Variants in LRRC37A observed in about 807,000 individuals in gnomAD.
The protein encoded by LRRC37A is leucine rich repeat containing 37A.
A neutral mutation model predicts 35.4 loss-of-function variants in LRRC37A; 3 were observed. That is an observed-to-expected ratio of 0.08 (90% CI 0.04 to 0.22). LRRC37A has a LOEUF of 0.22. LRRC37A is among the 10% of genes least tolerant of loss of function. The pLI is 1.00. For synonymous variants in LRRC37A, 23 were observed against 215.0 expected, an observed-to-expected ratio of 0.11 and a Z score of 7.81; for missense variants, 67 against 565.3, an observed-to-expected ratio of 0.12 and a Z score of 8.94.
chr17:46,285,389 C>T, the LRRC37A span, among the ~76,000 whole-genome samples: 4 of 152,016 alleles, frequency 2.6e-5, no homozygotes, highest in East Asian at 1.9e-4. Context: ...TACAGGCTCA[C>T]GCCACCACAC....
chr17:46,315,309 G>A lies in LRRC37A; in HGVS notation c.2907-7013G>A, dbSNP rs1343146186. On this transcript the variant is annotated intron_variant, in intron 5 of 13. Transcript: ENST00000320254. ...GGAGGCTGCGGTGGGAGGATTGCTT[G>A]ACCCCAGGAGTTCAAGGCCAGCCAG... 4.6e-5 allele frequency among the ~76,000 whole-genome samples: 4 copies of A among 87,480 alleles called. 2 individuals carry two copies. In the East Asian group the frequency reaches 9.6e-4, roughly 21 times the overall value. The allele number at this position is 87,480 out of a possible 152,430, so 57.4% of individuals were successfully genotyped here.
At chr17:46,278,806 AT>A in the LRRC37A span, among the ~76,000 whole-genome samples, 3 of 150,662 alleles carry the variant, frequency 2.0e-5, no homozygotes, top group African/African-American at 4.9e-5. Flanking sequence ...TTTTATTTTT[AT>A]TTTTTTTGAC....
the LRRC37A span, among the ~76,000 whole-genome samples, chr17:46,258,011 T>C: frequency 2.0e-5 from 3 of 152,176 alleles, no homozygotes; most frequent in East Asian, 5.8e-4. Flanking sequence ...GGAGAAAATA[T>C]GCATTCAAGG....
the LRRC37A span, chr17:46,260,451 C>G: frequency 6.4e-7 from 1 of 1,568,326 alleles, no homozygotes; most frequent in Non-Finnish European, 8.6e-7. Flanking sequence ...ACCTCTGACC[C>G]AGCCGGCGGC....
At chr17:46,281,549 C>T in the LRRC37A span, among the ~76,000 whole-genome samples, 3 of 152,198 alleles carry the variant, frequency 2.0e-5, no homozygotes, top group African/African-American at 7.2e-5. Context: ...CCTGTCATAG[C>T]CTCCTGAGTA....
At chr17:46,276,227 T>C in the LRRC37A span, among the ~76,000 whole-genome samples, 1 of 152,366 alleles carries the variant, frequency 6.6e-6, no homozygotes, top group East Asian at 1.9e-4. Context: ...TACTGTACAG[T>C]TACCAGGACT....
At chr17:46,322,089 C>CT (rs1288065213) in intron 5 of LRRC37A, among the ~76,000 whole-genome samples, 3 of 44,028 alleles carry the variant, frequency 6.8e-5, no homozygotes, top group East Asian at 3.9e-4. Flanking sequence ...TTGCTATCCA[C>CT]TTTTTTTTTC....
chr17:46,271,206 C>T, the LRRC37A span, among the ~76,000 whole-genome samples: 3 of 145,604 alleles, frequency 2.1e-5, no homozygotes, highest in African/African-American at 7.6e-5. Flanking sequence ...GCTCTTGTTG[C>T]CTAGGCTGGA....
At chr17:46,289,049 C>T (rs1393572632), upstream of LRRC37A, among the ~76,000 whole-genome samples, 1 of 152,134 alleles carries the variant, frequency 6.6e-6, no homozygotes, top group Non-Finnish European at 1.5e-5. Context: ...TTAAGTGCAT[C>T]TCTTCTGCTA....
At chr17:46,254,545 A>ATT in the LRRC37A span, among the ~76,000 whole-genome samples, 5 of 132,280 alleles carry the variant, frequency 3.8e-5, no homozygotes, top group East Asian at 8.0e-4. Flanking sequence ...TGCCCAGCTA[A>ATT]TTTTTTTTTT....
At chr17:46,280,402 A>C in the LRRC37A span, among the ~76,000 whole-genome samples, 1 of 150,510 alleles carries the variant, frequency 6.6e-6, no homozygotes, top group Non-Finnish European at 1.5e-5. Flanking sequence ...AGCCCAGTGC[A>C]GTGGCTCACG....
At chr17:46,255,838 G>T in the LRRC37A span, among the ~76,000 whole-genome samples, 4 of 151,908 alleles carry the variant, frequency 2.6e-5, no homozygotes, top group Non-Finnish European at 5.9e-5. Flanking sequence ...ACCACGCCTG[G>T]CTAATTTTTT....
the LRRC37A span, among the ~76,000 whole-genome samples, chr17:46,274,167 A>T: frequency 1.3e-5 from 2 of 152,046 alleles, no homozygotes; most frequent in Non-Finnish European, 2.9e-5. Context: ...AATCATTAGC[A>T]CACATTCAAA....
At chr17:46,266,919 C>T in the LRRC37A span, 1 of 234,026 alleles carries the variant, frequency 4.3e-6, no homozygotes, top group Non-Finnish European at 7.7e-6. Context: ...CTACGCTTCC[C>T]CGCCGCCCGG....
chr17:46,273,391 C>T, the LRRC37A span, among the ~76,000 whole-genome samples: 91 of 152,266 alleles, frequency 6.0e-4, 1 homozygote, highest in African/African-American at 1.9e-3. Flanking sequence ...TAAGTGACAT[C>T]TTCATGTACA....
At chr17:46,266,911 A>T in the LRRC37A span, 4 of 273,586 alleles carry the variant, frequency 1.5e-5, no homozygotes, top group African/African-American at 9.7e-5. Flanking sequence ...CACGGGCCCT[A>T]CGCTTCCCCG....
the LRRC37A span, among the ~76,000 whole-genome samples, chr17:46,267,747 G>T: frequency 6.6e-6 from 1 of 152,088 alleles, no homozygotes; most frequent in Non-Finnish European, 1.5e-5. Context: ...CACAAAGCGG[G>T]CTGTCAATAA....
chr17:46,279,993 C>T, the LRRC37A span, among the ~76,000 whole-genome samples: 39 of 152,308 alleles, frequency 2.6e-4, no homozygotes, highest in African/African-American at 4.8e-4. Context: ...GATTGCTTAC[C>T]GCACAGCCTG....
At chr17:46,289,754 CTT>C (rs1199543962), upstream of LRRC37A, among the ~76,000 whole-genome samples, 3 of 152,228 alleles carry the variant, frequency 2.0e-5, no homozygotes, top group African/African-American at 7.2e-5. Flanking sequence ...AGAAAAATAA[CTT>C]AGCCCACGTT....
Sources: allele counts gnomAD v4.1 joint callset (sites outside exome capture counted in the v4.1 genomes callset), GRCh38; gene constraint gnomAD v4.1.1; transcripts MANE v1.5; gene names NCBI Gene and HGNC (gene_info 2026-07-23, HGNC 2026-07-21).